The following GNA14 variants were observed in gnomAD, a reference collection of about 807,000 sequenced individuals.
GNA14 encodes guanine nucleotide-binding protein subunit alpha-14.
Under a neutral mutation model 42.0 loss-of-function variants are expected in GNA14, and 50 were observed. The observed-to-expected ratio is 1.19, with a 90% CI of 0.95 to 1.51. The LOEUF (loss-of-function observed/expected upper bound fraction) is 1.51. Ranked by LOEUF, GNA14 falls within the 40% of genes most tolerant of loss-of-function variation. The pLI is 0.00. For missense variants in GNA14, 473 were observed against 446.2 expected (o/e 1.06, Z -0.54); for synonymous variants, 173 against 163.1 (o/e 1.06, Z -0.46).
chr9:77,604,850 T>G (rs1823624562), intron 1 of GNA14, among the ~76,000 whole-genome samples: 1 of 152,258 alleles, frequency 6.6e-6, no homozygotes, highest in Admixed American at 6.5e-5. Flanking sequence ...CTTTCTGCTT[T>G]GCTCACTGAT....
rs367788511 is a variant in GNA14 at position 77,574,834 on chromosome 9, G to T, written c.125-45581C>A. Among the ~76,000 whole-genome samples, 25 of 152,290 alleles carry T rather than the reference G, an allele frequency of 1.6e-4. No homozygotes were observed. The East Asian group carries it at 4.4e-3, about 27-fold the overall frequency. On this transcript the variant is annotated intron_variant, in intron 1 of 6. Transcript: ENST00000341700. ...GCTACAACAAAAGAAGAGAAACAGG[G>T]GAGTCTTATGTGCCTTGTCCCAGAT...
chr9:77,541,695 T>C (rs1424205309), intron 1 of GNA14, among the ~76,000 whole-genome samples: 1 of 152,202 alleles, frequency 6.6e-6, no homozygotes, highest in Non-Finnish European at 1.5e-5. Flanking sequence ...GCTTTATGTA[T>C]GTTGTCCCAA....
chr9:77,425,081 A>G (rs1019543095), intron 6 of GNA14, among the ~76,000 whole-genome samples: 3 of 152,160 alleles, frequency 2.0e-5, no homozygotes, highest in Non-Finnish European at 4.4e-5. Flanking sequence ...AGGTGCTCTG[A>G]CTGGCATGAG....
chr9:77,616,707 C>T (rs2117959315), intron 1 of GNA14, among the ~76,000 whole-genome samples: 1 of 152,262 alleles, frequency 6.6e-6, no homozygotes, highest in South Asian at 2.1e-4. Flanking sequence ...GCTTCTGTCA[C>T]TAACATCACT....
At chr9:77,599,715 G>A (rs781456198) in intron 1 of GNA14, among the ~76,000 whole-genome samples, 10 of 152,166 alleles carry the variant, frequency 6.6e-5, no homozygotes, top group Non-Finnish European at 1.0e-4. Flanking sequence ...GCTGGGCAGC[G>A]CGCTGACATG....
chr9:77,606,000 C>A (rs190995739), intron 1 of GNA14, among the ~76,000 whole-genome samples: 30 of 152,242 alleles, frequency 2.0e-4, no homozygotes, highest in African/African-American at 7.0e-4. Flanking sequence ...ATCTCCCTTT[C>A]CTGTTAATGG....
intron 1 of GNA14, among the ~76,000 whole-genome samples, chr9:77,550,076 C>A (rs565882618): frequency 6.6e-6 from 1 of 152,130 alleles, no homozygotes; most frequent in African/African-American, 2.4e-5. Flanking sequence ...CACATAAAGT[C>A]TTTTGCACTG....
chr9:77,500,962 T>C (rs919268780), intron 2 of GNA14, among the ~76,000 whole-genome samples: 2 of 149,474 alleles, frequency 1.3e-5, no homozygotes, highest in African/African-American at 4.9e-5. Flanking sequence ...GTTGAACTCT[T>C]TTTTTTTTTT....
chr9:77,448,207 C>G (rs959413587), intron 2 of GNA14, among the ~76,000 whole-genome samples: 7 of 152,236 alleles, frequency 4.6e-5, no homozygotes, highest in African/African-American at 1.7e-4. Flanking sequence ...GGCTAAATCA[C>G]GTACTATCTA....
chr9:77,478,797 T>C (rs1836484670), intron 2 of GNA14, among the ~76,000 whole-genome samples: 1 of 152,214 alleles, frequency 6.6e-6, no homozygotes, highest in Non-Finnish European at 1.5e-5. Flanking sequence ...AGCATTTTTT[T>C]ATGTGTCTTT....
Position 77,502,113 on chromosome 9 carries a change from T to C in GNA14, c.309+26956A>G, listed in dbSNP as rs540878639. On this transcript the variant is annotated intron_variant, in intron 2 of 6. Coordinates refer to ENST00000341700, the MANE Select transcript of GNA14 (RefSeq NM_004297.4). Reference sequence around the variant, plus strand: ...TTGAGTATATTGTTTTGGTTATATTTTTTAATTCTAAAATTTCCATTTTGT... The same window carrying C: ...TTGAGTATATTGTTTTGGTTATATTCTTTAATTCTAAAATTTCCATTTTGT... Among the ~76,000 whole-genome samples the C allele has an allele frequency of 2.0e-5, 3 of 152,364 alleles. No individual in the cohort carries two copies. In the South Asian group the frequency reaches 6.2e-4, roughly 32 times the overall value.
chr9:77,538,808 C>G (rs1372536965), intron 1 of GNA14, among the ~76,000 whole-genome samples: 1 of 152,082 alleles, frequency 6.6e-6, no homozygotes, highest in African/African-American at 2.4e-5. Context: ...ATGTATTTAT[C>G]AAATCTAGGA....
chr9:77,555,418 C>T (rs1822759493), intron 1 of GNA14, among the ~76,000 whole-genome samples: 1 of 152,042 alleles, frequency 6.6e-6, no homozygotes, highest in African/African-American at 2.4e-5. Context: ...GTGGGAGTAA[C>T]GCTTGAGCCT....
intron 2 of GNA14, among the ~76,000 whole-genome samples, chr9:77,476,973 C>A (rs1265763988): frequency 6.6e-6 from 1 of 152,214 alleles, no homozygotes; most frequent in Non-Finnish European, 1.5e-5. Context: ...CCTTCACAAT[C>A]ATTCCACCTT....
At chr9:77,552,126 CAAAA>C (rs34493872) in intron 1 of GNA14, among the ~76,000 whole-genome samples, 2,667 of 85,082 alleles carry the variant, frequency 0.031, 78 homozygotes, top group African/African-American at 0.11. Context: ...AACTCCATCT[CAAAA>C]AAAAAAAAAA....
At chr9:77,494,736 A>C (rs560190772) in intron 2 of GNA14, among the ~76,000 whole-genome samples, 7 of 152,326 alleles carry the variant, frequency 4.6e-5, no homozygotes, top group African/African-American at 1.7e-4. Context: ...CAATGAGAGA[A>C]GAAAGGGCCT....
At chr9:77,635,349 C>T (rs1417751859) in intron 1 of GNA14, 1 of 152,192 alleles carries the variant, frequency 6.6e-6, no homozygotes, top group African/African-American at 2.4e-5. Flanking sequence ...GTATAAATGA[C>T]AGCATGCTAT....
chr9:77,467,429 G>A (rs888318096), intron 2 of GNA14, among the ~76,000 whole-genome samples: 15 of 151,184 alleles, frequency 9.9e-5, no homozygotes, highest in African/African-American at 3.7e-4. Context: ...TGTACACCAC[G>A]CTTCTGGAGC....
intron 1 of GNA14, among the ~76,000 whole-genome samples, chr9:77,601,737 A>G (rs1049477369): frequency 2.0e-5 from 3 of 152,208 alleles, no homozygotes; most frequent in African/African-American, 7.2e-5. Context: ...CTGGGACAAC[A>G]TAGGTCCCGG....
Sources: allele counts gnomAD v4.1 joint callset (sites outside exome capture counted in the v4.1 genomes callset), GRCh38; gene constraint gnomAD v4.1.1; transcripts MANE v1.5; gene names NCBI Gene and HGNC (gene_info 2026-07-23, HGNC 2026-07-21).